MAP2K4: variants seen among roughly 807,000 people sequenced by gnomAD.
MAP2K4 encodes dual specificity mitogen-activated protein kinase kinase 4.
In MAP2K4, 4 loss-of-function variants were observed where a neutral mutation model predicts 48.5. The observed-to-expected ratio is 0.08, with a 90% CI of 0.04 to 0.19. MAP2K4 has a LOEUF of 0.19. Among genes scored for constraint, MAP2K4 ranks in the 10% least tolerant of loss-of-function variants. The pLI, the probability that MAP2K4 is intolerant of heterozygous loss-of-function variation, is 1.00. For missense variants in MAP2K4, 258 were observed against 493.3 expected, an observed-to-expected ratio of 0.52 and a Z score of 4.52; for synonymous variants, 166 against 173.1, an observed-to-expected ratio of 0.96 and a Z score of 0.32.
intron 2 of MAP2K4, among the ~76,000 whole-genome samples, chr17:12,071,491 G>T (rs1009038527): frequency 6.6e-6 from 1 of 152,090 alleles, no homozygotes; most frequent in African/African-American, 2.4e-5. Context: ...AGGAGAAAGA[G>T]TACTAAAATA....
At chr17:12,093,449 C>T (rs1016468952) in intron 3 of MAP2K4, among the ~76,000 whole-genome samples, 30 of 152,082 alleles carry the variant, frequency 2.0e-4, no homozygotes, top group African/African-American at 2.7e-4. Context: ...GACACAGGCT[C>T]GCTCCCAAAA....
intron 3 of MAP2K4, chr17:12,082,003 G>A (rs1250902056): frequency 1.7e-5 from 9 of 522,982 alleles, no homozygotes; most frequent in Non-Finnish European, 2.0e-5. Context: ...GGTCCTGACC[G>A]GCTCGGCTTC....
intron 9 of MAP2K4, among the ~76,000 whole-genome samples, chr17:12,136,078 T>G (rs1459685510): frequency 6.6e-6 from 1 of 152,194 alleles, no homozygotes; most frequent in Admixed American, 6.5e-5. Context: ...AGTCCCTGGT[T>G]GGAAAGATAT....
intron 2 of MAP2K4, among the ~76,000 whole-genome samples, chr17:12,079,258 A>G (rs1386917817): frequency 6.6e-6 from 1 of 152,236 alleles, no homozygotes; most frequent in African/African-American, 2.4e-5. Context: ...AAAAGAAACT[A>G]CAGTGAGCTA....
At chr17:12,021,668 G>T (rs931468536) in intron 1 of MAP2K4, among the ~76,000 whole-genome samples, 2 of 150,626 alleles carry the variant, frequency 1.3e-5, no homozygotes, top group Non-Finnish European at 3.0e-5. Flanking sequence ...TAGGTAGGCT[G>T]CATTGGCCTG....
chr17:12,128,580 C>G (rs545579616), intron 8 of MAP2K4, among the ~76,000 whole-genome samples: 32 of 152,200 alleles, frequency 2.1e-4, no homozygotes, highest in Admixed American at 1.6e-3. Context: ...TTGACCCTGA[C>G]TTGATTTCTT....
chr17:12,091,332 A>C (rs547521650), intron 3 of MAP2K4, among the ~76,000 whole-genome samples: 10 of 152,284 alleles, frequency 6.6e-5, no homozygotes, highest in African/African-American at 2.2e-4. Context: ...GGACATTTCT[A>C]TATGATTGGG....
chr17:12,133,643 G>GAA lies in MAP2K4; in HGVS notation c.1040+4356_1040+4357insAA, dbSNP rs199946115. On this transcript the variant is annotated intron_variant, in intron 9 of 10. Transcript: ENST00000353533. ...GGAAAAATTCTTTATTTGTCCTGGG[G>GAA]GAAGAAAAAACAAAAAATGTTATTC... Among the ~76,000 whole-genome samples the GAA allele has an allele frequency of 2.0e-3, 302 of 152,094 alleles. 1 individual carries two copies. Among genetic ancestry groups the GAA allele is most frequent in the African/African-American group, 7.0e-3 (291 of 41,488 alleles).
intron 3 of MAP2K4, among the ~76,000 whole-genome samples, chr17:12,088,504 TATC>T (rs1387602806): frequency 7.8e-5 from 9 of 115,228 alleles, no homozygotes; most frequent in Non-Finnish European, 1.1e-4. Context: ...TTTAATATAT[TATC>T]TATAATATGT....
chr17:12,125,911 C>T (rs538510833), intron 8 of MAP2K4, among the ~76,000 whole-genome samples: 20 of 152,306 alleles, frequency 1.3e-4, no homozygotes, highest in Admixed American at 1.2e-3. Flanking sequence ...TCTCACACTA[C>T]TGTAAAGAAC....
intron 9 of MAP2K4, among the ~76,000 whole-genome samples, chr17:12,139,131 G>A (rs1456850007): frequency 6.6e-6 from 1 of 152,180 alleles, no homozygotes; most frequent in Non-Finnish European, 1.5e-5. Flanking sequence ...ATTCATGTTT[G>A]ATAGTAAAAT....
intron 3 of MAP2K4, among the ~76,000 whole-genome samples, chr17:12,087,461 A>G (rs960141042): frequency 2.6e-5 from 4 of 152,148 alleles, no homozygotes; most frequent in African/African-American, 9.7e-5. Context: ...AACTTGTTCC[A>G]TTAACTTGGT....
chr17:12,052,046 C>T (rs562792844), intron 1 of MAP2K4, among the ~76,000 whole-genome samples: 3 of 152,012 alleles, frequency 2.0e-5, no homozygotes, highest in Non-Finnish European at 4.4e-5. Flanking sequence ...CCTTCCTTTT[C>T]CTCCTCAAAA....
intron 8 of MAP2K4, among the ~76,000 whole-genome samples, chr17:12,127,606 G>T (rs1363766149): frequency 6.6e-6 from 1 of 152,164 alleles, no homozygotes; most frequent in East Asian, 1.9e-4. Flanking sequence ...TATAAAAATT[G>T]TGAAATGTAT....
chr17:12,115,151 G>A (rs1418643458), intron 7 of MAP2K4, among the ~76,000 whole-genome samples: 6 of 152,154 alleles, frequency 3.9e-5, no homozygotes, highest in Non-Finnish European at 5.9e-5. Context: ...TCATTAGATT[G>A]TGCAACATAA....
At chr17:12,027,763 G>A (rs939301926) in intron 1 of MAP2K4, among the ~76,000 whole-genome samples, 3 of 152,098 alleles carry the variant, frequency 2.0e-5, no homozygotes, top group East Asian at 1.9e-4. Flanking sequence ...ACCAGGCTGT[G>A]CCTAGGAAGG....
Position 12,141,917 on chromosome 17 carries a change from G to A in MAP2K4, c.*657G>A, listed in dbSNP as rs577441740. On this transcript the variant is annotated 3_prime_UTR_variant, in exon 11 of 11. Transcript: ENST00000353533. Reference sequence around the variant, plus strand: ...CCAAAAACCATGTTGCGTTCAAAGAGGTGAACATTAAAATATAGAGACAGG... The same window carrying A: ...CCAAAAACCATGTTGCGTTCAAAGAAGTGAACATTAAAATATAGAGACAGG... 279 of 233,466 alleles carry A rather than the reference G, an allele frequency of 1.2e-3. No homozygotes were observed. The highest frequency in any genetic ancestry group is 1.6e-3 in the Non-Finnish European group (185 of 117,910). The allele number at this position is 233,466 out of a possible 1,614,324, so 14.5% of individuals were successfully genotyped here.
At chr17:12,118,690 A>G (rs1381337528) in intron 7 of MAP2K4, among the ~76,000 whole-genome samples, 1 of 152,230 alleles carries the variant, frequency 6.6e-6, no homozygotes, top group East Asian at 1.9e-4. Context: ...TGAAGGGTAA[A>G]TATAAAAACA....
intron 8 of MAP2K4, among the ~76,000 whole-genome samples, chr17:12,126,466 C>G (rs1379918634): frequency 1.3e-5 from 2 of 152,158 alleles, no homozygotes; most frequent in African/African-American, 2.4e-5. Context: ...AGTCCAAGAT[C>G]AAGGCACTGA....
Sources: gnomAD v4.1 joint callset for allele counts (sites outside exome capture counted in the v4.1 genomes callset) on GRCh38, gnomAD v4.1.1 for gene constraint, MANE v1.5 for transcripts, NCBI Gene and HGNC (gene_info 2026-07-23, HGNC 2026-07-21) for gene names.